Variants in LRRC4C observed in about 807,000 individuals in gnomAD.
The protein encoded by LRRC4C is leucine-rich repeat-containing protein 4C.
LRRC4C carries 5 observed loss-of-function variants against 33.6 expected under a neutral mutation model. The ratio of observed to expected loss-of-function variants is 0.15; its 90% CI spans 0.08 to 0.31. LRRC4C has a LOEUF of 0.31. LRRC4C is among the 10% of genes least tolerant of loss of function. LRRC4C has a pLI of 1.00. For synonymous variants in LRRC4C, 329 were observed against 302.0 expected (o/e 1.09, Z -0.93); for missense variants, 560 against 796.7 (o/e 0.70, Z 3.58).
At chr11:41,214,387 A>G (rs1946946038) in intron 1 of LRRC4C, among the ~76,000 whole-genome samples, 1 of 151,950 alleles carries the variant, frequency 6.6e-6, no homozygotes, top group Non-Finnish European at 1.5e-5. Flanking sequence ...CTTAAACAAT[A>G]AAAATGAAAA....
intron 1 of LRRC4C, among the ~76,000 whole-genome samples, chr11:41,117,110 C>T (rs1942173590): frequency 6.6e-6 from 1 of 152,098 alleles, no homozygotes; most frequent in East Asian, 1.9e-4. Flanking sequence ...ACTTGCGGCC[C>T]AGGGACTCCC....
At chr11:40,304,334 T>C (rs1944922962) in intron 4 of LRRC4C, among the ~76,000 whole-genome samples, 1 of 152,128 alleles carries the variant, frequency 6.6e-6, no homozygotes, top group Non-Finnish European at 1.5e-5. Context: ...GTGAATTAAT[T>C]TCCTGGGAAG....
chr11:40,891,521 A>G (rs569612208), intron 2 of LRRC4C, among the ~76,000 whole-genome samples: 8 of 152,312 alleles, frequency 5.3e-5, no homozygotes, highest in African/African-American at 1.4e-4. Context: ...GAGATTAATA[A>G]CAAGAATCTA....
chr11:41,241,096 G>A (rs1470210718), intron 1 of LRRC4C, among the ~76,000 whole-genome samples: 1 of 151,946 alleles, frequency 6.6e-6, no homozygotes, highest in Non-Finnish European at 1.5e-5. Flanking sequence ...TGTTAAATAG[G>A]GTTAGTGGTG....
intron 1 of LRRC4C, among the ~76,000 whole-genome samples, chr11:41,040,046 G>A (rs1027726635): frequency 6.6e-6 from 1 of 151,202 alleles, no homozygotes; most frequent in Non-Finnish European, 1.5e-5. Context: ...GCTGAGGCAG[G>A]AGGATGGCGT....
At chr11:40,175,577 A>G (rs1346011874) in intron 5 of LRRC4C, among the ~76,000 whole-genome samples, 1 of 152,228 alleles carries the variant, frequency 6.6e-6, no homozygotes, top group Non-Finnish European at 1.5e-5. Context: ...CTGCAGAGTG[A>G]TGGCAGTTCC....
At chr11:40,588,897 G>C (rs941506745) in intron 3 of LRRC4C, among the ~76,000 whole-genome samples, 7 of 152,092 alleles carry the variant, frequency 4.6e-5, no homozygotes, top group South Asian at 4.2e-4. Context: ...TTACTTCCAA[G>C]TATGTGGTCA....
At chr11:40,575,562 A>T (rs1958158607) in intron 3 of LRRC4C, among the ~76,000 whole-genome samples, 2 of 152,192 alleles carry the variant, frequency 1.3e-5, no homozygotes, top group Admixed American at 1.3e-4. Context: ...AATGGGAAGG[A>T]CACATAAATA....
intron 2 of LRRC4C, among the ~76,000 whole-genome samples, chr11:40,758,375 G>A (rs1949044569): frequency 6.6e-6 from 1 of 151,908 alleles, no homozygotes; most frequent in Admixed American, 6.6e-5. Context: ...CTATGTGCAT[G>A]GTAATTAGGG....
At chr11:41,080,479 G>A (rs1939492298) in intron 1 of LRRC4C, among the ~76,000 whole-genome samples, 1 of 151,500 alleles carries the variant, frequency 6.6e-6, no homozygotes, top group Admixed American at 6.6e-5. Context: ...AGCCTCCTGA[G>A]TAGCTGGGAT....
chr11:41,420,330 C>T (rs961518025), intron 1 of LRRC4C, among the ~76,000 whole-genome samples: 2 of 151,870 alleles, frequency 1.3e-5, no homozygotes, highest in African/African-American at 2.4e-5. Context: ...ATGTTGAACT[C>T]GGTATCCACT....
intron 1 of LRRC4C, among the ~76,000 whole-genome samples, chr11:41,063,842 T>C (rs1937991759): frequency 6.6e-6 from 1 of 152,218 alleles, no homozygotes; most frequent in Admixed American, 6.5e-5. Context: ...TTGTTCTGGC[T>C]GCCATGTAGA....
chr11:40,330,020 C>T (rs904500366), intron 3 of LRRC4C, among the ~76,000 whole-genome samples: 1 of 152,108 alleles, frequency 6.6e-6, no homozygotes, highest in Non-Finnish European at 1.5e-5. Context: ...GGATTACAGG[C>T]GTGAGCCACC....
intron 3 of LRRC4C, among the ~76,000 whole-genome samples, chr11:40,637,732 C>T (rs1227026543): frequency 2.0e-5 from 3 of 152,170 alleles, no homozygotes; most frequent in African/African-American, 7.2e-5. Context: ...TCACATCTAC[C>T]ACCATGGTCC....
At chr11:41,029,432 A>G (rs1346359669) in intron 1 of LRRC4C, among the ~76,000 whole-genome samples, 3 of 151,816 alleles carry the variant, frequency 2.0e-5, no homozygotes, top group Non-Finnish European at 4.4e-5. Flanking sequence ...GTTTGAGAGC[A>G]CTGACATTAC....
chr11:40,655,570 T>G (rs1943059739), intron 2 of LRRC4C, among the ~76,000 whole-genome samples: 1 of 152,222 alleles, frequency 6.6e-6, no homozygotes, highest in Non-Finnish European at 1.5e-5. Context: ...TATATTGTAC[T>G]GTTGCCTCTG....
chr11:41,272,476 G>T (rs1006731232), intron 1 of LRRC4C, among the ~76,000 whole-genome samples: 5 of 152,116 alleles, frequency 3.3e-5, no homozygotes, highest in Non-Finnish European at 7.4e-5. Flanking sequence ...AGGTGCCTCA[G>T]TCAGGAGAAT....
rs553109611 is a variant in LRRC4C at position 41,036,766 on chromosome 11, G to C, written c.-495-103043C>G. 3.9e-5 allele frequency among the ~76,000 whole-genome samples: 6 copies of C among 152,232 alleles called. No homozygotes were observed. The East Asian group carries it at 1.2e-3, about 29-fold the overall frequency. On this transcript the variant is annotated intron_variant, in intron 1 of 6. Coordinates refer to ENST00000528697, the MANE Select transcript of LRRC4C (RefSeq NM_001258419.2). ...AAATGATGTCACAGTAGTTTGAAAA[G>C]AGATTTCAAAGTATCACACGTATAT...
At chr11:40,969,246 T>C (rs1156293816) in intron 1 of LRRC4C, among the ~76,000 whole-genome samples, 2 of 151,322 alleles carry the variant, frequency 1.3e-5, no homozygotes, top group African/African-American at 4.8e-5. Context: ...GTTGCACTCT[T>C]GTGATAAAAT....
Sources: allele counts gnomAD v4.1 joint callset (sites outside exome capture counted in the v4.1 genomes callset), GRCh38; gene constraint gnomAD v4.1.1; transcripts MANE v1.5; gene names NCBI Gene and HGNC (gene_info 2026-07-23, HGNC 2026-07-21).